SCFD2: variants seen among roughly 807,000 people sequenced by gnomAD.
SCFD2 encodes sec1 family domain-containing protein 2.
SCFD2 carries 54 observed loss-of-function variants against 58.9 expected under a neutral mutation model. That is an observed-to-expected ratio of 0.92 (90% CI 0.74 to 1.15). SCFD2 has a LOEUF of 1.15. SCFD2 is among the 50% of genes most tolerant of loss of function. SCFD2 has a pLI of 0.00. For synonymous variants in SCFD2, 321 were observed against 335.9 expected (o/e 0.96, Z 0.49); for missense variants, 805 against 836.6 (o/e 0.96, Z 0.47).
intron 4 of SCFD2, among the ~76,000 whole-genome samples, chr4:53,165,058 A>G (rs1726967333): frequency 6.6e-6 from 1 of 152,190 alleles, no homozygotes; most frequent in Non-Finnish European, 1.5e-5. Flanking sequence ...CTTTTCTTCC[A>G]TCCCTAACTC....
intron 5 of SCFD2, among the ~76,000 whole-genome samples, chr4:53,103,977 A>G (rs1278019205): frequency 4.0e-5 from 6 of 151,878 alleles, no homozygotes; most frequent in Non-Finnish European, 8.8e-5. Flanking sequence ...GTCCATACTG[A>G]TATAAATAAA....
At chr4:53,041,228 T>C (rs573550575) in intron 5 of SCFD2, among the ~76,000 whole-genome samples, 3 of 152,214 alleles carry the variant, frequency 2.0e-5, no homozygotes, top group Non-Finnish European at 4.4e-5. Flanking sequence ...CTAGAACTGA[T>C]AGTGCTGCAG....
intron 5 of SCFD2, among the ~76,000 whole-genome samples, chr4:52,925,600 T>C (rs1211288326): frequency 6.6e-6 from 1 of 152,150 alleles, no homozygotes; most frequent in Non-Finnish European, 1.5e-5. Context: ...TAAGGTGCTG[T>C]ATTCAGTTAC....
chr4:53,234,894 G>GT (rs1729548829), intron 4 of SCFD2, among the ~76,000 whole-genome samples: 1 of 152,236 alleles, frequency 6.6e-6, no homozygotes, highest in Admixed American at 6.5e-5. Context: ...AGATAGGAAT[G>GT]TATGTCTTAC....
At chr4:53,045,605 A>G (rs1280676842) in intron 5 of SCFD2, among the ~76,000 whole-genome samples, 1 of 152,148 alleles carries the variant, frequency 6.6e-6, no homozygotes, top group East Asian at 1.9e-4. Context: ...TTTCCTTATA[A>G]AATTAGATTG....
intron 5 of SCFD2, among the ~76,000 whole-genome samples, chr4:53,008,603 A>C (rs73818010): frequency 2.4e-4 from 36 of 152,322 alleles, no homozygotes; most frequent in African/African-American, 8.4e-4. Flanking sequence ...GGTGGGGAAG[A>C]GAAAGGGTAA....
intron 5 of SCFD2, among the ~76,000 whole-genome samples, chr4:52,927,562 A>T (rs1719891812): frequency 6.6e-6 from 1 of 152,236 alleles, no homozygotes; most frequent in African/African-American, 2.4e-5. Flanking sequence ...TTTCAAAAAC[A>T]TCCAATTTGG....
chr4:53,145,981 C>T (rs1246652043), intron 4 of SCFD2, among the ~76,000 whole-genome samples: 1 of 152,098 alleles, frequency 6.6e-6, no homozygotes, highest in Non-Finnish European at 1.5e-5. Context: ...TGAATGCTGA[C>T]ACTACTTCAG....
intron 5 of SCFD2, among the ~76,000 whole-genome samples, chr4:53,033,157 A>G (rs1189504919): frequency 6.6e-6 from 1 of 152,240 alleles, no homozygotes; most frequent in East Asian, 1.9e-4. Context: ...AATCAGAATT[A>G]AGAAACTCAC....
chr4:53,125,713 T>A (rs781504686), intron 5 of SCFD2, among the ~76,000 whole-genome samples: 1 of 152,234 alleles, frequency 6.6e-6, no homozygotes, highest in Non-Finnish European at 1.5e-5. Flanking sequence ...AAACATTATA[T>A]ATTCTTAGTT....
chr4:53,096,683 T>C (rs1577723504), intron 5 of SCFD2, among the ~76,000 whole-genome samples: 2 of 152,368 alleles, frequency 1.3e-5, no homozygotes, highest in African/African-American at 4.8e-5. Flanking sequence ...ACTTTGATGA[T>C]AGCTTCTTTT....
At chr4:53,070,028 G>A (rs1044822758) in intron 5 of SCFD2, among the ~76,000 whole-genome samples, 1 of 151,940 alleles carries the variant, frequency 6.6e-6, no homozygotes, top group Non-Finnish European at 1.5e-5. Flanking sequence ...GGAAGGGGTC[G>A]TGTGTTTCAA....
rs369226288 is a variant in SCFD2 at position 53,352,581 on chromosome 4, A to G, written c.1007+17T>C. ...GAAGACAGAGAAAGATAAGATGACA[A>G]AAACTATATATCTTACCTGGATTGT... On this transcript the variant is annotated intron_variant, in intron 2 of 8. Coordinates refer to ENST00000401642, the MANE Select transcript of SCFD2 (RefSeq NM_152540.4). The G allele has an allele frequency of 9.5e-6, 15 of 1,584,876 alleles. No individual in the cohort carries two copies. Among genetic ancestry groups the G allele is most frequent in the South Asian group, 1.1e-5 (1 of 87,766 alleles).
In SCFD2 at chr4:53,297,815, G is replaced by C. The variant is rs569094679; in HGVS notation, c.1135+15821C>G. ...TACCAGTTGACCTTTTCTATGTTTAGAGTTTCCTTCAGGAGCTCTTGTAAG... is the reference window on the plus strand; with the variant it reads ...TACCAGTTGACCTTTTCTATGTTTACAGTTTCCTTCAGGAGCTCTTGTAAG... On this transcript the variant is annotated intron_variant, in intron 3 of 8. Coordinates refer to ENST00000401642, the MANE Select transcript of SCFD2 (RefSeq NM_152540.4). Among the ~76,000 whole-genome samples, 71 of 152,262 alleles carry C rather than the reference G, an allele frequency of 4.7e-4. 1 individual carries two copies. Among genetic ancestry groups the C allele is most frequent in the South Asian group, 3.5e-3 (17 of 4,818 alleles).
At chr4:53,146,978 A>T (rs963819333) in intron 4 of SCFD2, among the ~76,000 whole-genome samples, 7 of 152,168 alleles carry the variant, frequency 4.6e-5, no homozygotes, top group African/African-American at 9.7e-5. Flanking sequence ...ATAAGCAGGG[A>T]CTAGTGTAGT....
rs77906540 is a variant in SCFD2, at chr4:53,067,197, A to G, written c.1561+78136T>C. 9.9e-5 allele frequency among the ~76,000 whole-genome samples: 15 copies of G among 152,084 alleles called. No homozygotes were observed. In the East Asian group the frequency reaches 2.3e-3, roughly 24 times the overall value. On this transcript the variant is annotated intron_variant, in intron 5 of 8. Coordinates refer to ENST00000401642, the MANE Select transcript of SCFD2 (RefSeq NM_152540.4). Reference sequence around the variant, plus strand: ...CTTTCTCCCTGTAGCCTCCTGCTATAGGGACCATGGAGCAAAATGTACAGG... The same window carrying G: ...CTTTCTCCCTGTAGCCTCCTGCTATGGGGACCATGGAGCAAAATGTACAGG...
At position 53,330,888 on chromosome 4, in the gene SCFD2, A is replaced by G. The variant is rs897245486; in HGVS notation, c.1008-17125T>C. On this transcript the variant is annotated intron_variant, in intron 2 of 8. Coordinates refer to ENST00000401642, the MANE Select transcript of SCFD2 (RefSeq NM_152540.4). ...GAGACACACACAGGCTCAAAATAAA[A>G]GGATGGAGGAAGATCTACCAAGCAA... 9.2e-5 allele frequency among the ~76,000 whole-genome samples: 14 copies of G among 152,088 alleles called. No individual in the cohort carries two copies. The East Asian group carries it at 9.7e-4, about 11-fold the overall frequency.
intron 4 of SCFD2, among the ~76,000 whole-genome samples, chr4:53,197,346 C>T (rs1267153241): frequency 6.6e-6 from 1 of 152,018 alleles, no homozygotes; most frequent in Non-Finnish European, 1.5e-5. Context: ...CTTGAAGTTC[C>T]TTTGAAAGGA....
At chr4:52,874,974 A>AT (rs1452120145) in intron 8 of SCFD2, among the ~76,000 whole-genome samples, 1 of 152,242 alleles carries the variant, frequency 6.6e-6, no homozygotes, top group African/African-American at 2.4e-5. Flanking sequence ...GGTTCTGAGG[A>AT]TTATCTCATT....
Sources: gnomAD v4.1 joint callset for allele counts (sites outside exome capture counted in the v4.1 genomes callset) on GRCh38, gnomAD v4.1.1 for gene constraint, MANE v1.5 for transcripts, NCBI Gene and HGNC (gene_info 2026-07-23, HGNC 2026-07-21) for gene names.